VPS13C: variants seen among roughly 807,000 people sequenced by gnomAD.
VPS13C encodes vacuolar protein sorting 13 homolog C.
A neutral mutation model predicts 456.8 loss-of-function variants in VPS13C; 358 were observed. That is an observed-to-expected ratio of 0.78 (90% CI 0.72 to 0.86). VPS13C has a LOEUF of 0.86. Ranked by LOEUF, VPS13C falls within the 40% of genes least tolerant of loss-of-function variation. The pLI, the probability that VPS13C is intolerant of heterozygous loss-of-function variation, is 0.00. For missense variants in VPS13C, 4,818 were observed against 4,385.4 expected (o/e 1.10, Z -2.79); for synonymous variants, 1,578 against 1,486.7 (o/e 1.06, Z -1.41).
chr15:62,059,635 T>C (rs2048922038), intron 1 of VPS13C, among the ~76,000 whole-genome samples: 1 of 152,142 alleles, frequency 6.6e-6, no homozygotes, highest in Non-Finnish European at 1.5e-5. Context: ...CAAAACAAAA[T>C]TCAAAATCCT....
chr15:61,984,114 AC>A, intron 19 of VPS13C, 102 bp from the exon 20 acceptor site: 1 of 1,041,614 alleles, frequency 9.6e-7, no homozygotes, highest in Non-Finnish European at 1.4e-6. Context: ...GAGAACCAGG[AC>A]CATCCATGCA....
chr15:62,016,148 G>A (rs1472338166), intron 9 of VPS13C, among the ~76,000 whole-genome samples: 1 of 151,248 alleles, frequency 6.6e-6, no homozygotes, highest in African/African-American at 2.4e-5. Flanking sequence ...TTCTCTGCCA[G>A]TCTACCACCC....
intron 17 of VPS13C, 73 bp downstream of exon 17, chr15:61,991,600 C>A: frequency 1.4e-6 from 2 of 1,468,666 alleles, no homozygotes; most frequent in South Asian, 3.1e-5. Context: ...TAAAATTCAA[C>A]AGGGAAGATA....
chr15:61,940,550 T>C (rs1011163270), intron 47 of VPS13C, 97 bp downstream of exon 47: 3 of 1,214,484 alleles, frequency 2.5e-6, no homozygotes, highest in Admixed American at 4.9e-5. Context: ...ATCAATAACG[T>C]AGCAACTCCT....
chr15:61,936,973 C>T (rs1348070581), intron 47 of VPS13C, among the ~76,000 whole-genome samples: 1 of 152,188 alleles, frequency 6.6e-6, no homozygotes, highest in South Asian at 2.1e-4. Flanking sequence ...CTCTGGCACT[C>T]CAACACTCTC....
intron 80 of VPS13C, among the ~76,000 whole-genome samples, chr15:61,869,116 C>CTTTTTTTTT (rs68084709): frequency 1.6e-4 from 21 of 131,298 alleles, no homozygotes; most frequent in East Asian, 7.0e-4. Context: ...TTTCTTTTTT[C>CTTTTTTTTT]TTTTTTTTTT....
chr15:62,006,110 T>TC (rs937398339), intron 15 of VPS13C, among the ~76,000 whole-genome samples: 4 of 151,410 alleles, frequency 2.6e-5, no homozygotes, highest in African/African-American at 9.8e-5. Context: ...ATTTTTTTTT[T>TC]ATTATTATTA....
At chr15:62,028,692 C>T (rs1306172404) in intron 5 of VPS13C, among the ~76,000 whole-genome samples, 4 of 152,002 alleles carry the variant, frequency 2.6e-5, no homozygotes, top group South Asian at 2.1e-4. Flanking sequence ...TTTCGGCTAA[C>T]GGCTCACTAA....
intron 74 of VPS13C, 116 bp from the exon 75 acceptor site, chr15:61,877,170 CG>C (rs1895486706): frequency 3.2e-6 from 2 of 634,292 alleles, no homozygotes; most frequent in East Asian, 6.0e-5. Context: ...CAATTGACTT[CG>C]TACATTTACC....
At position 61,984,014 on chromosome 15, in the gene VPS13C, T is replaced by C; in HGVS notation, c.1722-2A>G. 6.2e-7 allele frequency: 1 copy of C among 1,608,452 alleles called. No homozygotes were observed. The highest frequency in any genetic ancestry group is 1.3e-5 in the African/African-American group (1 of 74,892). ...CAGTGTTCTAATTTCGCTTCTACCC[T>C]ATAATCCAATGAAGAACAAGGAAAG... On this transcript the variant is annotated splice_acceptor_variant, in intron 19 of 84. Coordinates refer to ENST00000644861, the MANE Select transcript of VPS13C (RefSeq NM_020821.3). LOFTEE classifies it high-confidence loss of function.
intron 20 of VPS13C, 54 bp downstream of exon 20, chr15:61,983,766 A>T: frequency 6.5e-7 from 1 of 1,532,048 alleles, no homozygotes; most frequent in Non-Finnish European, 8.9e-7. Context: ...AGAAAACAGT[A>T]TGTCAGAAGC....
chr15:61,946,163 A>C, intron 44 of VPS13C, 144 bp downstream of exon 44: 1 of 697,650 alleles, frequency 1.4e-6, no homozygotes, highest in Non-Finnish European at 2.3e-6. Flanking sequence ...ATGTGAAAGC[A>C]GACTATTACC....
rs2043263762 is a variant in VPS13C, at chr15:61,910,195, T to A, written c.8826A>T (p.Leu2942Phe). The change falls in exon 64 of 85, where the codon TTA (leucine) becomes TTT (phenylalanine). Residue 2942 changes from leucine (L) to phenylalanine (F), a missense_variant. Leu to Phe is a conservative substitution (Grantham distance 22). Transcript: ENST00000644861. ...AACTTACCAGATCTTCTAAGCTCAA[T>A]AAAGTGCCATTATCCTGTCGGTTAT... ...FFYNRQDNGT[L>F]LSLEDLNGGI... 7.0e-7 allele frequency: 1 copy of A among 1,420,756 alleles called. No homozygotes were observed. Among genetic ancestry groups the A allele is most frequent in the African/African-American group, 1.5e-5 (1 of 68,842 alleles). The allele number at this position is 1,420,756 out of a possible 1,614,324, so 88.0% of individuals were successfully genotyped here. A position where few individuals can be genotyped will look rare whatever the true frequency, so the allele number is the denominator to read the frequency against.
In VPS13C at chr15:61,921,990, A is replaced by G; in HGVS notation, c.7019T>C (p.Ile2340Thr). The G allele has an allele frequency of 6.2e-7, 1 of 1,613,654 alleles. No individual in the cohort carries two copies. Residue 2340 changes from isoleucine (I) to threonine (T), a missense_variant, in exon 55 of 85, where the codon ATT (isoleucine) becomes ACT (threonine). Physicochemically the swap from Ile to Thr is moderately conservative, Grantham distance 89. Transcript: ENST00000644861. ...TTGTCTCTTCCCCTCCACTCTCTCA[A>G]TCAGTGGCTCCCAGACAGCATGGAT... ...NEIHAVWEPL[I>T]ERVEGKRQWN...
Position 61,963,767 on chromosome 15 carries a change from T to C in VPS13C, c.3331+68A>G, listed in dbSNP as rs542736424. On this transcript the variant is annotated intron_variant, in intron 32 of 84. Coordinates refer to ENST00000644861, the MANE Select transcript of VPS13C (RefSeq NM_020821.3). ...CCCTTTATTTGTACATTCTTTAGCATTGCAAAGAGACAAAAAGAAGGAAAA... is the reference window on the plus strand; with the variant it reads ...CCCTTTATTTGTACATTCTTTAGCACTGCAAAGAGACAAAAAGAAGGAAAA... 134 of 1,159,974 alleles carry C rather than the reference T, an allele frequency of 1.2e-4. No homozygotes were observed. In the African/African-American group the frequency reaches 1.2e-3, roughly 10 times the overall value. 71.9% of individuals were successfully genotyped at this position (1,159,974 alleles called of 1,614,324 possible).
intron 6 of VPS13C, among the ~76,000 whole-genome samples, chr15:62,026,218 C>G (rs2047632739): frequency 6.6e-6 from 1 of 151,376 alleles, no homozygotes; most frequent in Non-Finnish European, 1.5e-5. Context: ...GAATCTGAAA[C>G]CCTATCAATG....
intron 5 of VPS13C, 93 bp downstream of exon 5, chr15:62,033,348 C>A: frequency 1.4e-6 from 1 of 717,498 alleles, no homozygotes; most frequent in Non-Finnish European, 2.0e-6. Context: ...AGAACTTCAA[C>A]TTATGAAGGC....
intron 18 of VPS13C, among the ~76,000 whole-genome samples, chr15:61,990,664 AGCCAGGCAGGGTG>A (rs2046196946): frequency 6.6e-6 from 1 of 152,098 alleles, no homozygotes; most frequent in Non-Finnish European, 1.5e-5. Context: ...CACAAAAATT[AGCCAGGCAGGGTG>A]GCAGGTGCCT....
intron 22 of VPS13C, 56 bp from the exon 23 acceptor site, chr15:61,978,805 C>T: frequency 6.5e-7 from 1 of 1,529,174 alleles, no homozygotes; most frequent in Non-Finnish European, 8.8e-7. Context: ...GCACATACAT[C>T]AACATACTTT....
Sources: gnomAD v4.1 joint callset for allele counts (sites outside exome capture counted in the v4.1 genomes callset) on GRCh38, gnomAD v4.1.1 for gene constraint, MANE v1.5 for transcripts, NCBI Gene and HGNC (gene_info 2026-07-23, HGNC 2026-07-21) for gene names.